The following ANLN variants were observed in gnomAD, a reference collection of about 807,000 sequenced individuals.
ANLN encodes anillin.
In ANLN, 59 loss-of-function variants were observed where a neutral mutation model predicts 135.1. The ratio of observed to expected loss-of-function variants is 0.44; its 90% CI spans 0.35 to 0.54. The LOEUF (loss-of-function observed/expected upper bound fraction) is 0.54, where lower values mean the gene tolerates loss of function less well. ANLN is among the 20% of genes least tolerant of loss of function. The pLI is 0.00. For synonymous variants in ANLN, 406 were observed against 456.4 expected (o/e 0.89, Z 1.41); for missense variants, 1,182 against 1,340.0 (o/e 0.88, Z 1.84).
chr7:36,406,232 C>G lies in ANLN; in HGVS notation c.539C>G (p.Ala180Gly), dbSNP rs555173750. 6.2e-7 allele frequency: 1 copy of G among 1,613,292 alleles called. No individual in the cohort carries two copies. The highest frequency in any genetic ancestry group is 2.2e-5 in the East Asian group (1 of 44,862). The change falls in exon 4 of 24, where the codon GCT (alanine) becomes GGT (glycine). Residue 180 changes from alanine to glycine, a missense_variant. Physicochemically the swap from Ala to Gly is moderately conservative, Grantham distance 60. Around this residue, in one of 3 missense-constraint regions of ANLN, gnomAD observed 1,022 missense variants for 1,134.0 expected, o/e 0.90. Coordinates refer to ENST00000265748, the MANE Select transcript of ANLN (RefSeq NM_018685.5). ...LFSPMPSEEK[A>G]ASPPRPLLSN... is the part of the protein sequence containing the mutation. ...TCACCAATGCCATCAGAGGAAAAGG[C>G]TGCTTCCCCTCCCAGACCTCTGCTT...
Position 36,426,913 on chromosome 7 carries a change from C to A in ANLN, c.2771-3C>A. On this transcript the variant is annotated splice_region_variant and splice_polypyrimidine_tract_variant and intron_variant, in intron 19 of 23. Coordinates refer to ENST00000265748, the MANE Select transcript of ANLN (RefSeq NM_018685.5). ...CTAAACTTAATTTCCTCGTTCTTCA[C>A]AGTCATGGCCAGTCCAGGAGGTCTT... is the stretch of plus-strand genomic sequence containing the variant. 1 of 1,567,512 alleles carries A rather than the reference C, an allele frequency of 6.4e-7. No homozygotes were observed. The highest frequency in any genetic ancestry group is 8.6e-7 in the Non-Finnish European group (1 of 1,159,890).
intron 13 of ANLN, 122 bp from the exon 14 acceptor site, chr7:36,422,511 A>G (rs1223956004): frequency 2.5e-6 from 2 of 789,430 alleles, no homozygotes; most frequent in East Asian, 5.8e-5. Context: ...TTATAAAGAT[A>G]GTGTTACTGA....
rs201224112 is a variant in ANLN, at chr7:36,419,194, A to G, written c.1634-50A>G. 3.3e-4 allele frequency: 457 copies of G among 1,365,988 alleles called. No homozygotes were observed. In the African/African-American group the frequency reaches 6.1e-3, roughly 18 times the overall value. 84.6% of individuals were successfully genotyped at this position (1,365,988 alleles called of 1,614,324 possible). A position where few individuals can be genotyped will look rare whatever the true frequency, so the allele number is the denominator to read the frequency against. On this transcript the variant is annotated intron_variant, in intron 9 of 23. Transcript: ENST00000265748. ...ATTAAATTTTCTTTGTTATGCCTTT[A>G]ATTCTTAAATATCTGAGTCACAGTG...
At chr7:36,440,050 G>A (rs960169214) in intron 21 of ANLN, among the ~76,000 whole-genome samples, 1 of 152,186 alleles carries the variant, frequency 6.6e-6, no homozygotes, top group African/African-American at 2.4e-5. Context: ...CCACCAATGT[G>A]GGAAATTTTA....
At position 36,399,130 on chromosome 7, in the gene ANLN, C is replaced by T. The variant is rs373821252; in HGVS notation, c.224C>T (p.Thr75Ile). ...TCAAAAAAACGCTGTTCTGACAACA[C>T]TGAAGTAGAAGTTTCTAACTTGGAA... ...SPSKKRCSDN[T>I]EVEVSNLENK... The change falls in exon 3 of 24, where the codon ACT (threonine) becomes ATT (isoleucine). Residue 75 changes from threonine to isoleucine, a missense_variant. Thr to Ile is a moderately conservative substitution (Grantham distance 89). Around this residue, in one of 3 missense-constraint regions of ANLN, gnomAD observed 1,022 missense variants for 1,134.0 expected, o/e 0.90. Transcript: ENST00000265748. The T allele has an allele frequency of 3.7e-6, 6 of 1,613,982 alleles. No homozygotes were observed. In the African/African-American group the frequency reaches 8.0e-5, roughly 22 times the overall value.
intron 20 of ANLN, chr7:36,428,284 G>T (rs1490222337): frequency 4.9e-6 from 6 of 1,221,992 alleles, no homozygotes; most frequent in Admixed American, 5.8e-5. Context: ...TTTTTTCTCT[G>T]TCTCTTATTT....
chr7:36,395,235 G>A (rs182876562), intron 1 of ANLN, among the ~76,000 whole-genome samples: 2 of 152,268 alleles, frequency 1.3e-5, no homozygotes, highest in Admixed American at 1.3e-4. Context: ...GGATTTTACT[G>A]TGTTAAAATC....
rs757777285 is a variant in ANLN, at chr7:36,410,597, C to A, written c.1180C>A (p.Pro394Thr). 6.8e-6 allele frequency: 11 copies of A among 1,614,082 alleles called. No individual in the cohort carries two copies. In the East Asian group the frequency reaches 2.2e-4, roughly 33 times the overall value. ...CAAAGAAAGTCCAGCTCGTAGCACACCCCACAGAACCCCCATTATTACTCC... is the reference window on the plus strand; with the variant it reads ...CAAAGAAAGTCCAGCTCGTAGCACAACCCACAGAACCCCCATTATTACTCC... ...HSKESPARST[P>T]HRTPIITPNT... The change falls in exon 6 of 24, where the codon CCC becomes ACC. Residue 394 changes from proline (P) to threonine (T), a missense_variant. Pro to Thr is a conservative substitution (Grantham distance 38). Transcript: ENST00000265748.
intron 3 of ANLN, among the ~76,000 whole-genome samples, chr7:36,405,351 A>T (rs1787144323): frequency 6.6e-6 from 1 of 152,222 alleles, no homozygotes; most frequent in South Asian, 2.1e-4. Flanking sequence ...ACAACTCATG[A>T]CTGTGCTTAT....
chr7:36,391,422 T>C (rs759868518), intron 1 of ANLN, among the ~76,000 whole-genome samples: 3 of 152,260 alleles, frequency 2.0e-5, no homozygotes, highest in Non-Finnish European at 4.4e-5. Context: ...CTGAAGGTAG[T>C]ACAAATCTCA....
chr7:36,390,516 T>C (rs1402015820), intron 1 of ANLN: 1 of 164,810 alleles, frequency 6.1e-6, no homozygotes, highest in Non-Finnish European at 1.3e-5. Flanking sequence ...GCTAATGAAA[T>C]GACAGCAAAA....
intron 23 of ANLN, among the ~76,000 whole-genome samples, chr7:36,451,155 A>G (rs1467678410): frequency 6.6e-6 from 1 of 152,240 alleles, no homozygotes; most frequent in African/African-American, 2.4e-5. Context: ...AACATTCTGC[A>G]GTTCTGCATT....
rs371785488 is a variant in ANLN at position 36,419,295 on chromosome 7, C to T, written c.1685C>T (p.Ser562Leu). ...MSVDDDDINS[S>L]KVINDLFSDV... ...GTGGATGATGATGATATCAATAGTT[C>T]GAAAGTAATTAATGACCTCTTCAGT... is the stretch of plus-strand genomic sequence containing the variant. The change falls in exon 10 of 24, where the codon TCG becomes TTG. Residue 562 changes from serine (S) to leucine (L), a missense_variant. Around this residue, in one of 3 missense-constraint regions of ANLN, gnomAD observed 1,022 missense variants for 1,134.0 expected, o/e 0.90. Coordinates refer to ENST00000265748, the MANE Select transcript of ANLN (RefSeq NM_018685.5). 46 of 1,613,706 alleles carry T rather than the reference C, an allele frequency of 2.9e-5. No homozygotes were observed. Among genetic ancestry groups the T allele is most frequent in the South Asian group, 5.5e-5 (5 of 91,040 alleles).
At chr7:36,428,802 G>A (rs1412752126) in intron 20 of ANLN, among the ~76,000 whole-genome samples, 1 of 131,404 alleles carries the variant, frequency 7.6e-6, no homozygotes, top group Non-Finnish European at 1.6e-5. Flanking sequence ...TTTTTGAGAC[G>A]GAGTTTTGCT....
chr7:36,452,587 T>G lies in ANLN; in HGVS notation c.3362T>G (p.Ile1121Ser). The G allele has an allele frequency of 6.2e-7, 1 of 1,614,018 alleles. No individual in the cohort carries two copies. ...LWQPDACYKP[I>S]GKP ...CAACCTGATGCTTGCTACAAACCTA[T>G]TGGAAAGCCTTAAACCGGGAAATTT... is the stretch of plus-strand genomic sequence containing the variant. Residue 1121 changes from isoleucine to serine, a missense_variant, in exon 24 of 24, where the codon ATT (isoleucine) becomes AGT (serine). By Grantham distance (142) the Ile-to-Ser change is moderately radical. This residue lies in a region of ANLN where 78 missense variants were observed against 72.7 expected (regional missense o/e 1.07). Coordinates refer to ENST00000265748, the MANE Select transcript of ANLN (RefSeq NM_018685.5).
chr7:36,423,493 T>C (rs1787962058), intron 14 of ANLN, among the ~76,000 whole-genome samples: 1 of 152,098 alleles, frequency 6.6e-6, no homozygotes, highest in African/African-American at 2.4e-5. Flanking sequence ...AAACCATAAT[T>C]TACCCTTTTG....
chr7:36,448,046 G>A (rs886531189), intron 22 of ANLN, among the ~76,000 whole-genome samples: 1 of 151,576 alleles, frequency 6.6e-6, no homozygotes, highest in African/African-American at 2.4e-5. Context: ...ACAGGGTCTC[G>A]CTCTGTTGCC....
At position 36,431,550 on chromosome 7, in the gene ANLN, TA is replaced by T. The variant is rs1226531613; in HGVS notation, c.2883+4523del. Among the ~76,000 whole-genome samples, 192 of 116,520 alleles carry T rather than the reference TA, an allele frequency of 1.6e-3. 1 individual carries two copies. The highest frequency in any genetic ancestry group is 5.8e-3 in the African/African-American group (178 of 30,638). The allele number at this position is 116,520 out of a possible 152,430, so 76.4% of individuals were successfully genotyped here. ...TCTATCATATATATATGTGTGTATATATGTGTGTGTTTGTGTGTGTGTGTGT... is the reference window on the plus strand; with the variant it reads ...TCTATCATATATATATGTGTGTATATTGTGTGTGTTTGTGTGTGTGTGTGT... On this transcript the variant is annotated intron_variant, in intron 20 of 23. Coordinates refer to ENST00000265748, the MANE Select transcript of ANLN (RefSeq NM_018685.5).
Position 36,432,373 on chromosome 7 carries a change from T to C in ANLN, c.2883+5345T>C, listed in dbSNP as rs372077017. Among the ~76,000 whole-genome samples the C allele has an allele frequency of 8.5e-5, 13 of 152,356 alleles. No individual in the cohort carries two copies. The East Asian group carries it at 2.3e-3, about 27-fold the overall frequency. On this transcript the variant is annotated intron_variant, in intron 20 of 23. Transcript: ENST00000265748. Reference sequence around the variant, plus strand: ...TGTATCTTGACATTTTTAAAGCCTCTTTCTAAAATTATCAAACCATCCTTT... The same window carrying C: ...TGTATCTTGACATTTTTAAAGCCTCCTTCTAAAATTATCAAACCATCCTTT...
Sources: allele counts gnomAD v4.1 joint callset (sites outside exome capture counted in the v4.1 genomes callset), GRCh38; gene constraint gnomAD v4.1.1; regional missense constraint gnomAD v4.1.1; transcripts MANE v1.5; gene names NCBI Gene and HGNC (gene_info 2026-07-23, HGNC 2026-07-21).